Variants in CLSTN2 observed in about 807,000 individuals in gnomAD.
CLSTN2 encodes calsyntenin-2.
In CLSTN2, 48 loss-of-function variants were observed where a neutral mutation model predicts 101.2. The ratio of observed to expected loss-of-function variants is 0.47; its 90% confidence interval spans 0.38 to 0.60. The LOEUF is 0.60. Among genes scored for constraint, CLSTN2 ranks in the 20% least tolerant of loss-of-function variants. The pLI is 0.00. For missense variants in CLSTN2, 1,160 were observed against 1,238.2 expected (o/e 0.94, Z 0.95); for synonymous variants, 481 against 463.6 (o/e 1.04, Z -0.48).
intron 2 of CLSTN2, among the ~76,000 whole-genome samples, chr3:140,232,951 C>A (rs1022973619): frequency 5.3e-5 from 8 of 152,108 alleles, no homozygotes; most frequent in African/African-American, 1.9e-4. Context: ...TGCCCTGCCT[C>A]CCCTCACTTC....
intron 1 of CLSTN2, among the ~76,000 whole-genome samples, chr3:140,114,219 C>T (rs1029659541): frequency 2.0e-5 from 3 of 152,206 alleles, no homozygotes; most frequent in African/African-American, 7.2e-5. Flanking sequence ...ACCCACTTTC[C>T]AGCTCTACTA....
chr3:140,441,589 G>A (rs559598851), intron 5 of CLSTN2, among the ~76,000 whole-genome samples: 2 of 152,176 alleles, frequency 1.3e-5, no homozygotes, highest in East Asian at 3.9e-4. Context: ...GAGAAGGCAG[G>A]GTCTGGAGCC....
intron 1 of CLSTN2, among the ~76,000 whole-genome samples, chr3:140,151,501 C>A (rs1323671250): frequency 6.6e-6 from 1 of 151,992 alleles, no homozygotes; most frequent in Non-Finnish European, 1.5e-5. Flanking sequence ...GAAGTGGGAT[C>A]TTTATACACG....
chr3:140,372,747 A>G (rs2087872453), intron 2 of CLSTN2, among the ~76,000 whole-genome samples: 1 of 152,218 alleles, frequency 6.6e-6, no homozygotes, highest in Non-Finnish European at 1.5e-5. Flanking sequence ...CCAAGAATGC[A>G]TAGTAATGGG....
intron 1 of CLSTN2, among the ~76,000 whole-genome samples, chr3:140,000,287 T>A (rs2006800722): frequency 6.6e-6 from 1 of 152,342 alleles, no homozygotes; most frequent in African/African-American, 2.4e-5. Flanking sequence ...AGAACCTTGT[T>A]AGCTGGGCGG....
At position 140,109,412 on chromosome 3, in the gene CLSTN2, T is replaced by G. The variant is rs56103533; in HGVS notation, c.110-66539T>G. Among the ~76,000 whole-genome samples, 805 of 152,232 alleles carry G rather than the reference T, an allele frequency of 5.3e-3. 8 individuals are homozygous for G. Among genetic ancestry groups the G allele is most frequent in the African/African-American group, 0.019 (778 of 41,546 alleles). ...CGAACCATGCCCTTAGAAGCCTTGA[T>G]GTGCTCTAATTGGGAGAGGTGCTCT... On this transcript the variant is annotated intron_variant, in intron 1 of 16. Transcript: ENST00000458420.
chr3:140,448,796 A>G lies in CLSTN2; in HGVS notation c.973+92A>G, dbSNP rs1320425209. 3.5e-5 allele frequency: 39 copies of G among 1,102,026 alleles called. No individual in the cohort carries two copies. In the East Asian group the frequency reaches 8.4e-4, roughly 24 times the overall value. The allele number at this position is 1,102,026 out of a possible 1,614,324, so 68.3% of individuals were successfully genotyped here. Reference sequence around the variant, plus strand: ...ATCTTATTGTCTTAGGCAAGAATCAACCCTCCCTTCCTGCACTGATATGTG... The same window carrying G: ...ATCTTATTGTCTTAGGCAAGAATCAGCCCTCCCTTCCTGCACTGATATGTG... On this transcript the variant is annotated intron_variant, in intron 6 of 16. Transcript: ENST00000458420.
At chr3:140,200,041 A>G (rs1297888453) in intron 2 of CLSTN2, among the ~76,000 whole-genome samples, 3 of 152,150 alleles carry the variant, frequency 2.0e-5, no homozygotes, top group Non-Finnish European at 4.4e-5. Flanking sequence ...TACCTCCTAC[A>G]AGGCCTTTAG....
rs548526962 is a variant in CLSTN2 at position 140,569,371 on chromosome 3, C to T, written c.*3118C>T. ...GGTTTGGCCACAGCCCAGTTCATTG[C>T]TTGTCTTGCCAAGTGGACAACCAGA... On this transcript the variant is annotated 3_prime_UTR_variant, in exon 17 of 17. Transcript: ENST00000458420. 6.6e-6 allele frequency: 1 copy of T among 152,312 alleles called. No individual in the cohort carries two copies. Among genetic ancestry groups the T allele is most frequent in the Admixed American group, 6.5e-5 (1 of 15,300 alleles). 9.4% of individuals were successfully genotyped at this position (152,312 alleles called of 1,614,324 possible).
At position 139,974,483 on chromosome 3, in the gene CLSTN2, C is replaced by T. The variant is rs141885080; in HGVS notation, c.109+39000C>T. Among the ~76,000 whole-genome samples the T allele has an allele frequency of 1.3e-4, 20 of 152,294 alleles. No individual in the cohort carries two copies. The East Asian group carries it at 3.7e-3, about 28-fold the overall frequency. ...CACCTTTCCCTGCTTCCCCAGAGGG[C>T]ATCATGTGATCTCCCCAGGGCCCAG... On this transcript the variant is annotated intron_variant, in intron 1 of 16. Transcript: ENST00000458420.
chr3:140,511,485 A>G (rs1934812176), intron 8 of CLSTN2, among the ~76,000 whole-genome samples: 1 of 151,378 alleles, frequency 6.6e-6, no homozygotes, highest in Non-Finnish European at 1.5e-5. Flanking sequence ...GCTCCCACCA[A>G]CAGTGTAAAA....
At chr3:139,995,301 G>A (rs989003058) in intron 1 of CLSTN2, among the ~76,000 whole-genome samples, 1 of 152,142 alleles carries the variant, frequency 6.6e-6, no homozygotes, top group Non-Finnish European at 1.5e-5. Context: ...TCTATTTCCA[G>A]CCTCCACACC....
intron 1 of CLSTN2, among the ~76,000 whole-genome samples, chr3:139,961,520 G>C (rs144765713): frequency 7.6e-4 from 116 of 152,312 alleles, no homozygotes; most frequent in African/African-American, 2.7e-3. Flanking sequence ...GTGAAAATGA[G>C]TGATGTTGAT....
At chr3:140,356,948 G>T (rs2087677461) in intron 2 of CLSTN2, among the ~76,000 whole-genome samples, 1 of 152,090 alleles carries the variant, frequency 6.6e-6, no homozygotes, top group African/African-American at 2.4e-5. Flanking sequence ...TGATATAGTT[G>T]GCATGACCCT....
intron 12 of CLSTN2, among the ~76,000 whole-genome samples, chr3:140,560,174 C>T (rs1025474876): frequency 5.9e-5 from 9 of 152,152 alleles, no homozygotes; most frequent in Non-Finnish European, 1.2e-4. Context: ...ATTATAAGTG[C>T]CTTTAAATTT....
intron 2 of CLSTN2, among the ~76,000 whole-genome samples, chr3:140,202,800 G>T (rs1374599664): frequency 6.6e-6 from 1 of 152,160 alleles, no homozygotes; most frequent in Non-Finnish European, 1.5e-5. Context: ...AGTATAGAAG[G>T]AGCGTGGAAG....
chr3:140,290,568 T>G (rs2086937877), intron 2 of CLSTN2, among the ~76,000 whole-genome samples: 1 of 152,160 alleles, frequency 6.6e-6, no homozygotes, highest in African/African-American at 2.4e-5. Flanking sequence ...TCTGAGAAGT[T>G]CAGTCTATGG....
chr3:140,522,595 AG>A (rs1251234310), intron 8 of CLSTN2, among the ~76,000 whole-genome samples: 8 of 152,198 alleles, frequency 5.3e-5, no homozygotes, highest in Admixed American at 4.6e-4. Context: ...CACTAAAATA[AG>A]GTAACACACT....
chr3:140,165,307 T>A (rs72988105), intron 1 of CLSTN2, among the ~76,000 whole-genome samples: 14,287 of 152,252 alleles, frequency 0.094, 2,187 homozygotes, highest in African/African-American at 0.32. Context: ...AGTGCTGCTC[T>A]TTGCTTCAGG....
Sources: allele counts gnomAD v4.1 joint callset (sites outside exome capture counted in the v4.1 genomes callset), GRCh38; gene constraint gnomAD v4.1.1; transcripts MANE v1.5; gene names NCBI Gene and HGNC (gene_info 2026-07-23, HGNC 2026-07-21).